The following RGS6 variants were observed in gnomAD, a reference collection of about 807,000 sequenced individuals.
RGS6 encodes the protein regulator of G protein signaling 6.
RGS6 carries 30 observed loss-of-function variants against 78.5 expected under a neutral mutation model. That is an observed-to-expected ratio of 0.38 (90% CI 0.29 to 0.52). RGS6 has a LOEUF of 0.52. Among genes scored for constraint, RGS6 ranks in the 20% least tolerant of loss-of-function variants. The pLI, the probability that RGS6 is intolerant of heterozygous loss-of-function variation, is 0.85. For missense variants in RGS6, 495 were observed against 609.7 expected (o/e 0.81, Z 1.98); for synonymous variants, 206 against 206.0 (o/e 1.00, Z 0.00).
intron 3 of RGS6, among the ~76,000 whole-genome samples, chr14:72,400,579 A>G (rs2092264352): frequency 1.3e-5 from 2 of 152,250 alleles, no homozygotes; most frequent in Admixed American, 6.5e-5. Context: ...ATTTTAATAG[A>G]AAGAAAAAAT....
intron 3 of RGS6, among the ~76,000 whole-genome samples, chr14:72,368,431 A>G (rs532250244): frequency 6.6e-6 from 1 of 152,314 alleles, no homozygotes; most frequent in South Asian, 2.1e-4. Flanking sequence ...AAATTTCAAG[A>G]TGAGTTTTGG....
In RGS6 at chr14:72,540,539, C is replaced by G. The variant is rs1317124410; in HGVS notation, c.1422+445C>G. The G allele has an allele frequency of 5.7e-6, 9 of 1,575,300 alleles. No homozygotes were observed. The East Asian group carries it at 2.1e-4, about 37-fold the overall frequency. On this transcript the variant is annotated intron_variant, in intron 17 of 17. Coordinates refer to ENST00000553525, the MANE Select transcript of RGS6 (RefSeq NM_001204424.2). ...TTCCCTCTGTGAACCCTGGCAGTCA[C>G]GCCGGTGTGGGTCGCGAGCTAATGT...
At chr14:72,204,340 G>T (rs996408123) in intron 2 of RGS6, among the ~76,000 whole-genome samples, 3 of 152,182 alleles carry the variant, frequency 2.0e-5, no homozygotes, top group Non-Finnish European at 4.4e-5. Flanking sequence ...CACAATTCCA[G>T]GGGGAGGGTA....
intron 2 of RGS6, among the ~76,000 whole-genome samples, chr14:72,270,828 C>A (rs944606322): frequency 6.6e-6 from 1 of 152,202 alleles, no homozygotes; most frequent in Non-Finnish European, 1.5e-5. Flanking sequence ...CTTTTGAATG[C>A]ACCGAAAGTT....
At chr14:72,347,801 T>C (rs1055095624) in intron 2 of RGS6, among the ~76,000 whole-genome samples, 1 of 152,196 alleles carries the variant, frequency 6.6e-6, no homozygotes, top group African/African-American at 2.4e-5. Context: ...ACTAAGGCCA[T>C]AGAGAACAAA....
At chr14:72,597,692 C>T in the RGS6 span, among the ~76,000 whole-genome samples, 1 of 152,324 alleles carries the variant, frequency 6.6e-6, no homozygotes, top group Admixed American at 6.5e-5. Context: ...GGTAATCCAT[C>T]ATCTCAAACA....
the RGS6 span, among the ~76,000 whole-genome samples, chr14:71,869,667 C>G: frequency 6.6e-5 from 10 of 152,288 alleles, no homozygotes; most frequent in Non-Finnish European, 1.0e-4. Context: ...AATTAGGCAA[C>G]CTTTTTTGCT....
At chr14:72,130,463 C>T (rs2096290468) in intron 2 of RGS6, among the ~76,000 whole-genome samples, 1 of 152,168 alleles carries the variant, frequency 6.6e-6, no homozygotes, top group Non-Finnish European at 1.5e-5. Flanking sequence ...TGGCTGGCAC[C>T]TTCCTGGAAA....
chr14:72,474,849 T>A, intron 10 of RGS6, 150 bp downstream of exon 10: 1 of 707,434 alleles, frequency 1.4e-6, no homozygotes, highest in Non-Finnish European at 2.4e-6. Context: ...GAGCAGCTGA[T>A]GCATGCTTGG....
At chr14:72,221,677 A>G (rs2046901716) in intron 2 of RGS6, among the ~76,000 whole-genome samples, 1 of 152,218 alleles carries the variant, frequency 6.6e-6, no homozygotes, top group Non-Finnish European at 1.5e-5. Context: ...AATCATCAGC[A>G]GTGATGATGC....
At chr14:72,005,357 A>G (rs1020608505) in intron 2 of RGS6, among the ~76,000 whole-genome samples, 2 of 152,126 alleles carry the variant, frequency 1.3e-5, no homozygotes, top group Non-Finnish European at 2.9e-5. Context: ...ATGTTATTTA[A>G]TTATGTGTTA....
chr14:71,872,327 G>T, the RGS6 span, among the ~76,000 whole-genome samples: 1 of 152,140 alleles, frequency 6.6e-6, no homozygotes, highest in African/African-American at 2.4e-5. Flanking sequence ...CAGTTTCCAG[G>T]ACTAGGTTTG....
chr14:72,013,808 C>CT (rs201114316), intron 2 of RGS6, among the ~76,000 whole-genome samples: 2 of 84 alleles, frequency 0.024, no homozygotes, highest in East Asian at 0.2. Flanking sequence ...TGGGCTGGGG[C>CT]CTTCAGGCTT....
chr14:72,626,972 G>T, the RGS6 span, among the ~76,000 whole-genome samples: 1 of 148,590 alleles, frequency 6.7e-6, no homozygotes, highest in Non-Finnish European at 1.5e-5. Flanking sequence ...TATCTTTTGT[G>T]GGTTGTCTTT....
intron 2 of RGS6, among the ~76,000 whole-genome samples, chr14:72,045,512 CAGAT>C (rs1205688582): frequency 6.6e-6 from 1 of 152,138 alleles, no homozygotes; most frequent in African/African-American, 2.4e-5. Context: ...AAGAACTCCT[CAGAT>C]AGAGTTTGCA....
chr14:72,211,250 T>C (rs1375573173), intron 2 of RGS6, among the ~76,000 whole-genome samples: 1 of 152,180 alleles, frequency 6.6e-6, no homozygotes, highest in Non-Finnish European at 1.5e-5. Flanking sequence ...GGAAAGTGTT[T>C]TAAAAAGGAA....
chr14:72,022,402 T>G (rs994289893), intron 2 of RGS6: 6 of 152,224 alleles, frequency 3.9e-5, no homozygotes, highest in Non-Finnish European at 5.9e-5. Flanking sequence ...TTACAAAGTT[T>G]TTTTTCAAGA....
chr14:72,003,860 GT>G (rs2083983430), intron 2 of RGS6, among the ~76,000 whole-genome samples: 1 of 152,142 alleles, frequency 6.6e-6, no homozygotes, highest in Non-Finnish European at 1.5e-5. Flanking sequence ...ATATCATTCA[GT>G]CATAGGGTTC....
intron 4 of RGS6, among the ~76,000 whole-genome samples, chr14:72,456,414 C>T (rs996339814): frequency 1.3e-5 from 2 of 152,194 alleles, no homozygotes; most frequent in East Asian, 1.9e-4. Context: ...CTCAGTCTCC[C>T]GAGTAGCTGG....
Sources: allele counts gnomAD v4.1 joint callset (sites outside exome capture counted in the v4.1 genomes callset), GRCh38; gene constraint gnomAD v4.1.1; transcripts MANE v1.5; gene names NCBI Gene and HGNC (gene_info 2026-07-23, HGNC 2026-07-21).